MTSS1: variants seen among roughly 807,000 people sequenced by gnomAD.
MTSS1 encodes MTSS I-BAR domain containing 1, also known as protein MTSS 1.
A neutral mutation model predicts 79.0 loss-of-function variants in MTSS1; 18 were observed. That is an observed-to-expected ratio of 0.23 (90% CI 0.16 to 0.34). The LOEUF is 0.34. Among genes scored for constraint, MTSS1 ranks in the 10% least tolerant of loss-of-function variants. MTSS1 has a pLI of 1.00. For missense variants in MTSS1, 815 were observed against 986.2 expected, an observed-to-expected ratio of 0.83 and a Z score of 2.33; for synonymous variants, 341 against 368.6, an observed-to-expected ratio of 0.93 and a Z score of 0.86.
intron 3 of MTSS1, among the ~76,000 whole-genome samples, chr8:124,663,606 C>T (rs1341315843): frequency 6.6e-6 from 1 of 152,142 alleles, no homozygotes; most frequent in African/African-American, 2.4e-5. Flanking sequence ...TTCCTTTTCC[C>T]TTTCTTGGCT....
intron 3 of MTSS1, among the ~76,000 whole-genome samples, chr8:124,601,932 T>C (rs2133017703): frequency 6.6e-6 from 1 of 152,108 alleles, no homozygotes; most frequent in African/African-American, 2.4e-5. Flanking sequence ...AGTAAGAGTG[T>C]TTCCAAATGG....
intron 3 of MTSS1, among the ~76,000 whole-genome samples, chr8:124,612,397 A>G (rs552962875): frequency 6.6e-6 from 1 of 152,270 alleles, no homozygotes; most frequent in East Asian, 1.9e-4. Flanking sequence ...GAGAGAAGAG[A>G]TTTGCATTCA....
Position 124,706,547 on chromosome 8 carries a change from G to C in MTSS1, c.73-2356C>G, listed in dbSNP as rs368465277. On this transcript the variant is annotated intron_variant, in intron 1 of 13. Coordinates refer to ENST00000518547, the MANE Select transcript of MTSS1 (RefSeq NM_014751.6). ...TGCTTGGCTCAAGCACAGGTTTCTG[G>C]ATTTATTCCTCTAAGTGGCAATTTG... 7.5e-4 allele frequency among the ~76,000 whole-genome samples: 114 copies of C among 152,326 alleles called. 4 individuals are homozygous for C. The South Asian group carries it at 0.023, about 31-fold the overall frequency.
chr8:124,693,549 C>T (rs1391444597), intron 3 of MTSS1, among the ~76,000 whole-genome samples: 2 of 152,192 alleles, frequency 1.3e-5, no homozygotes, highest in Non-Finnish European at 2.9e-5. Flanking sequence ...CAGCAATTTT[C>T]TTCACCAACA....
chr8:124,600,318 C>A (rs1486837264), intron 3 of MTSS1, among the ~76,000 whole-genome samples: 2 of 152,030 alleles, frequency 1.3e-5, no homozygotes, highest in African/African-American at 4.8e-5. Flanking sequence ...AATGACAAAT[C>A]TTGGTTTTCA....
chr8:124,556,041 G>C (rs1160936296), intron 12 of MTSS1, 137 bp from the exon 13 acceptor site: 42 of 1,540,822 alleles, frequency 2.7e-5, no homozygotes, highest in Non-Finnish European at 3.7e-5. Flanking sequence ...TCTGACCCTA[G>C]AAAGTTCTGC....
At chr8:124,599,618 C>A (rs572439469) in intron 3 of MTSS1, among the ~76,000 whole-genome samples, 1 of 150,490 alleles carries the variant, frequency 6.6e-6, no homozygotes, top group African/African-American at 2.4e-5. Context: ...AGTGTAGGCT[C>A]GCCTGTGACT....
intron 3 of MTSS1, among the ~76,000 whole-genome samples, chr8:124,607,103 T>C (rs1180605884): frequency 6.6e-6 from 1 of 152,142 alleles, no homozygotes; most frequent in Non-Finnish European, 1.5e-5. Context: ...CAAACGTGAG[T>C]AAGTGGAACC....
chr8:124,609,091 C>T (rs984306294), intron 3 of MTSS1, among the ~76,000 whole-genome samples: 5 of 152,192 alleles, frequency 3.3e-5, no homozygotes, highest in African/African-American at 9.7e-5. Flanking sequence ...AGAATACTTT[C>T]CCCAGCTCCC....
At chr8:124,672,197 A>C (rs1824345707) in intron 3 of MTSS1, among the ~76,000 whole-genome samples, 2 of 152,202 alleles carry the variant, frequency 1.3e-5, no homozygotes, top group Admixed American at 1.3e-4. Flanking sequence ...TGTTCACTTA[A>C]AAATATGGAG....
chr8:124,604,929 G>A (rs1343568489), intron 3 of MTSS1, among the ~76,000 whole-genome samples: 3 of 152,206 alleles, frequency 2.0e-5, no homozygotes, highest in Admixed American at 6.5e-5. Flanking sequence ...GGCATGCACC[G>A]TACTGGCAGC....
chr8:124,567,325 C>T (rs931915015), intron 7 of MTSS1, 147 bp from the exon 8 acceptor site: 3 of 714,488 alleles, frequency 4.2e-6, no homozygotes, highest in East Asian at 2.7e-5. Flanking sequence ...TTGCTGAAGG[C>T]ACTACATGCC....
chr8:124,599,097 C>T (rs1228212662), intron 3 of MTSS1, among the ~76,000 whole-genome samples: 1 of 152,208 alleles, frequency 6.6e-6, no homozygotes, highest in Admixed American at 6.5e-5. Flanking sequence ...GCCCTTGCCG[C>T]CTGCTGATGG....
rs1046518622 is a variant in MTSS1, at chr8:124,728,385, G to A, written c.-430C>T. The A allele has an allele frequency of 6.6e-6, 1 of 152,350 alleles. No homozygotes were observed. Among genetic ancestry groups the A allele is most frequent in the African/African-American group, 2.4e-5 (1 of 41,436 alleles). 9.4% of individuals were successfully genotyped at this position (152,350 alleles called of 1,614,324 possible). A position where few individuals can be genotyped will look rare whatever the true frequency, so the allele number is the denominator to read the frequency against. On this transcript the variant is annotated 5_prime_UTR_variant, in exon 1 of 14. Coordinates refer to ENST00000518547, the MANE Select transcript of MTSS1 (RefSeq NM_014751.6). The surrounding 1 kb of genome is among the most constrained non-coding windows in gnomAD (Gnocchi z 6.1). ...AAAAAAATCGCCCAACAGCAGAGCGGGTCAGCTCGCGGCGTCCGGATCTGT... is the reference window on the plus strand; with the variant it reads ...AAAAAAATCGCCCAACAGCAGAGCGAGTCAGCTCGCGGCGTCCGGATCTGT...
Position 124,591,228 on chromosome 8 carries a change from G to C in MTSS1, c.216C>G (p.Thr72=), listed in dbSNP as rs773060640. 6.2e-7 allele frequency: 1 copy of C among 1,613,918 alleles called. No individual in the cohort carries two copies. Among genetic ancestry groups the C allele is most frequent in the Non-Finnish European group, 8.5e-7 (1 of 1,179,934 alleles). Residue 72 remains threonine (T), a synonymous_variant, in exon 4 of 14, where the codon ACC becomes ACG. Transcript: ENST00000518547. The stretch of plus-strand genomic sequence containing the variant: ...TGGTGAGAGCAGATCCAATCTCCCT[G>C]GTCCCACCTGAAAAAGCAACAGAGG... ...ADMATNTRGG[T]REIGSALTRM...
chr8:124,712,488 G>A (rs961304611), intron 1 of MTSS1, among the ~76,000 whole-genome samples: 3 of 152,118 alleles, frequency 2.0e-5, no homozygotes, highest in African/African-American at 4.8e-5. Context: ...AGAAGTGGGC[G>A]TGTGGGATGA....
At chr8:124,659,493 T>A (rs1451156083) in intron 3 of MTSS1, among the ~76,000 whole-genome samples, 1 of 152,202 alleles carries the variant, frequency 6.6e-6, no homozygotes, top group Non-Finnish European at 1.5e-5. Flanking sequence ...TCTAGTCTAA[T>A]TCCAGAAAAG....
chr8:124,661,895 G>A (rs937759367), intron 3 of MTSS1, among the ~76,000 whole-genome samples: 1 of 152,316 alleles, frequency 6.6e-6, no homozygotes, highest in East Asian at 1.9e-4. Flanking sequence ...TGTAAAGTAT[G>A]AGGGCCATGC....
intron 3 of MTSS1, among the ~76,000 whole-genome samples, chr8:124,598,136 A>T (rs977377700): frequency 2.6e-5 from 4 of 152,060 alleles, no homozygotes; most frequent in African/African-American, 4.8e-5. Context: ...ATAAATTAAT[A>T]AATAAATAAT....
Sources: gnomAD v4.1 joint callset for allele counts (sites outside exome capture counted in the v4.1 genomes callset) on GRCh38, gnomAD v4.1.1 for gene constraint, Gnocchi (gnomAD v3.1) non-coding constraint, MANE v1.5 for transcripts, NCBI Gene and HGNC (gene_info 2026-07-23, HGNC 2026-07-21) for gene names.